RSAD2: variants seen among roughly 807,000 people sequenced by gnomAD.
The protein encoded by RSAD2 is radical S-adenosyl methionine domain containing 2, also known as S-adenosylmethionine-dependent nucleotide dehydratase RSAD2.
In RSAD2, 38 loss-of-function variants were observed where a neutral mutation model predicts 37.7. The observed-to-expected ratio is 1.01, with a 90% CI of 0.78 to 1.32. The LOEUF is 1.32. Among genes scored for constraint, RSAD2 ranks in the 40% most tolerant of loss-of-function variants. The probability of loss-of-function intolerance (pLI) is 0.00; values close to 1 mark genes in which losing one functional copy is unlikely to be tolerated. For missense variants in RSAD2, 428 were observed against 437.5 expected (o/e 0.98, Z 0.19); for synonymous variants, 163 against 157.4 (o/e 1.04, Z -0.27).
intron 5 of RSAD2, 34 bp from the exon 6 acceptor site, chr2:6,895,744 G>A: frequency 1.9e-6 from 3 of 1,585,810 alleles, no homozygotes; most frequent in Non-Finnish European, 2.6e-6. Flanking sequence ...TTCATCACAT[G>A]GAAATATACC....
rs755467323 is a variant in RSAD2 at position 6,865,919 on chromosome 2, G to C, written c.16G>C (p.Gly6Arg). 2.9e-5 allele frequency: 41 copies of C among 1,400,264 alleles called. No individual in the cohort carries two copies. In the South Asian group the frequency reaches 4.3e-4, roughly 15 times the overall value. The allele number at this position is 1,400,264 out of a possible 1,614,324, so 86.7% of individuals were successfully genotyped here. A position where few individuals can be genotyped will look rare whatever the true frequency, so the allele number is the denominator to read the frequency against. The change falls in exon 1 of 6, where the codon GGC becomes CGC. Residue 6 changes from glycine to arginine, a missense_variant. Transcript: ENST00000442639. ...TCGCCGCGAGATGTGCGCGATAAAC[G>C]GCCGGCGCTCGGGAGCAGACGCTTG...
At chr2:6,870,776 G>T (rs1663189717) in intron 1 of RSAD2, among the ~76,000 whole-genome samples, 1 of 152,140 alleles carries the variant, frequency 6.6e-6, no homozygotes, top group Non-Finnish European at 1.5e-5. Flanking sequence ...AGTCTATAAG[G>T]TTTTGTGGGG....
intron 1 of RSAD2, chr2:6,878,949 C>A: frequency 1.4e-6 from 1 of 709,052 alleles, no homozygotes; most frequent in Non-Finnish European, 2.2e-6. Flanking sequence ...ATGAATTTCA[C>A]AAAGCAATCA....
chr2:6,886,919 G>T lies in RSAD2; in HGVS notation c.509-16G>T. On this transcript the variant is annotated splice_polypyrimidine_tract_variant and intron_variant, in intron 2 of 5. Transcript: ENST00000382040. ...TCCTTGGATAGAAAAGTTTAAACATGATCATTTTCCCTCAGGTGAGTATTT... is the reference window on the plus strand; with the variant it reads ...TCCTTGGATAGAAAAGTTTAAACATTATCATTTTCCCTCAGGTGAGTATTT... 1 of 1,601,860 alleles carries T rather than the reference G, an allele frequency of 6.2e-7. No individual in the cohort carries two copies. The highest frequency in any genetic ancestry group is 8.6e-7 in the Non-Finnish European group (1 of 1,169,262).
rs1256819916 is a variant in RSAD2, at chr2:6,887,163, A to G, written c.737A>G (p.Lys246Arg). ...AAAGCACTAAACCCTGTCCGCTGGA[A>G]AGTAAGTACACAAGGTCGCTTTTGC... ...QIKALNPVRW[K>R]VFQCLLIEGE... Residue 246 changes from lysine (K) to arginine (R), a missense_variant and splice_region_variant, in exon 3 of 6, where the codon AAA becomes AGA. Transcript: ENST00000382040. 1.2e-6 allele frequency: 2 copies of G among 1,610,220 alleles called. No individual in the cohort carries two copies. Among genetic ancestry groups the G allele is most frequent in the Admixed American group, 3.3e-5 (2 of 59,990 alleles).
intron 3 of RSAD2, among the ~76,000 whole-genome samples, chr2:6,889,317 C>A (rs1663585332): frequency 6.6e-6 from 1 of 152,092 alleles, no homozygotes; most frequent in Non-Finnish European, 1.5e-5. Context: ...AAGCAAATAG[C>A]AAAATTATCC....
In RSAD2 at chr2:6,883,447, G is replaced by T. The variant is rs1272014290; in HGVS notation, c.423G>T (p.Arg141Ser). Residue 141 changes from arginine (R) to serine (S), a missense_variant, in exon 2 of 6, where the codon AGG (arginine) becomes AGT (serine). By Grantham distance (110) the Arg-to-Ser change is moderately radical. Coordinates refer to ENST00000382040, the MANE Select transcript of RSAD2 (RefSeq NM_080657.5). The part of the protein sequence containing the change: ...DRGEYLGKLV[R>S]FCKVELRLPS... ...GAGAATACCTGGGCAAGTTGGTGAGGTTCTGCAAAGTAGAGTTGCGGCTGC... is the reference window on the plus strand; with the variant it reads ...GAGAATACCTGGGCAAGTTGGTGAGTTTCTGCAAAGTAGAGTTGCGGCTGC... 2 of 1,614,210 alleles carry T rather than the reference G, an allele frequency of 1.2e-6. No individual in the cohort carries two copies. Among genetic ancestry groups the T allele is most frequent in the East Asian group, 2.2e-5 (1 of 44,880 alleles).
intron 5 of RSAD2, among the ~76,000 whole-genome samples, chr2:6,894,326 C>G (rs77725195): frequency 9.2e-5 from 14 of 152,226 alleles, no homozygotes; most frequent in Non-Finnish European, 1.5e-4. Context: ...ACCATTGCCA[C>G]TCTTCCTAGC....
intron 1 of RSAD2, among the ~76,000 whole-genome samples, chr2:6,867,123 T>C (rs1176802430): frequency 6.6e-6 from 1 of 152,224 alleles, no homozygotes; most frequent in Non-Finnish European, 1.5e-5. Context: ...CAGTACTGCA[T>C]CCTCAAGCCT....
intron 1 of RSAD2, among the ~76,000 whole-genome samples, chr2:6,879,771 G>A (rs557940117): frequency 1.7e-4 from 26 of 152,050 alleles, no homozygotes; most frequent in African/African-American, 6.3e-4. Flanking sequence ...TGTCTAGAAA[G>A]TAATAGAGGC....
In RSAD2 at chr2:6,895,778, A is replaced by G. The variant is rs1663761274; in HGVS notation, c.922A>G (p.Met308Val). 6.2e-7 allele frequency: 1 copy of G among 1,611,300 alleles called. No homozygotes were observed. The highest frequency in any genetic ancestry group is 1.3e-5 in the African/African-American group (1 of 74,824). The stretch of plus-strand genomic sequence containing the variant: ...CCAGTTTCTGTTATGAATTTTCTAG[A>G]TGCGCTTTCTGAACTGTAGAAAGGG... ...KDSYLILDEY[M>V]RFLNCRKGRK... Residue 308 changes from methionine (M) to valine (V), a missense_variant and splice_region_variant, in exon 6 of 6, where the codon ATG (methionine) becomes GTG (valine). Physicochemically the swap from Met to Val is conservative, Grantham distance 21. Transcript: ENST00000382040.
intron 3 of RSAD2, 86 bp from the exon 4 acceptor site, chr2:6,890,090 G>T (rs916318238): frequency 1.5e-5 from 20 of 1,305,720 alleles, no homozygotes; most frequent in Non-Finnish European, 2.2e-5. Context: ...GCTCAGAAGA[G>T]ATGAAGCTTG....
intron 1 of RSAD2, among the ~76,000 whole-genome samples, chr2:6,867,844 G>A (rs2103233245): frequency 6.6e-6 from 1 of 152,312 alleles, no homozygotes; most frequent in African/African-American, 2.4e-5. Context: ...ACGAAGAGAT[G>A]TAAAGTTAAT....
At chr2:6,878,885 A>G in intron 1 of RSAD2, 1 of 1,193,598 alleles carries the variant, frequency 8.4e-7, no homozygotes, top group East Asian at 5.9e-5. Context: ...TAACTTTTTA[A>G]CAAAAGCATA....
At chr2:6,876,014 C>T (rs1009695272), upstream of RSAD2, among the ~76,000 whole-genome samples, 13 of 152,194 alleles carry the variant, frequency 8.5e-5, no homozygotes, top group African/African-American at 3.1e-4. Context: ...GACTCCCTTG[C>T]TCGTGTGGTC....
intron 1 of RSAD2, among the ~76,000 whole-genome samples, chr2:6,868,999 G>A (rs1260179764): frequency 6.6e-6 from 1 of 152,292 alleles, no homozygotes; most frequent in East Asian, 1.9e-4. Flanking sequence ...ATTCATTGTC[G>A]GGGTCCTGAG....
At chr2:6,867,160 C>T (rs549283095) in intron 1 of RSAD2, among the ~76,000 whole-genome samples, 1 of 152,308 alleles carries the variant, frequency 6.6e-6, no homozygotes, top group South Asian at 2.1e-4. Context: ...ATGCCATCCA[C>T]CTCTCTGGAT....
chr2:6,889,699 T>G (rs188955387), intron 3 of RSAD2, among the ~76,000 whole-genome samples: 17 of 152,328 alleles, frequency 1.1e-4, no homozygotes, highest in Admixed American at 1.0e-3. Flanking sequence ...CTTAAAAGAC[T>G]GTTGAAAGAG....
At chr2:6,867,880 A>G (rs1313522925) in intron 1 of RSAD2, among the ~76,000 whole-genome samples, 1 of 152,252 alleles carries the variant, frequency 6.6e-6, no homozygotes, top group East Asian at 1.9e-4. Context: ...GGGCTTAGTC[A>G]ATATTATATA....
Sources: gnomAD v4.1 joint callset for allele counts (sites outside exome capture counted in the v4.1 genomes callset) on GRCh38, gnomAD v4.1.1 for gene constraint, MANE v1.5 for transcripts, NCBI Gene and HGNC (gene_info 2026-07-23, HGNC 2026-07-21) for gene names.